NELL2: variants seen among roughly 807,000 people sequenced by gnomAD.
NELL2 encodes the protein protein kinase C-binding protein NELL2.
Under a neutral mutation model 109.6 loss-of-function variants are expected in NELL2, and 41 were observed. That is an observed-to-expected ratio of 0.37 (90% CI 0.29 to 0.49). The LOEUF is 0.49. NELL2 is among the 20% of genes least tolerant of loss of function. The probability of loss-of-function intolerance (pLI) is 0.98; values close to 1 mark genes in which losing one functional copy is unlikely to be tolerated. For missense variants in NELL2, 900 were observed against 1,008.3 expected, an observed-to-expected ratio of 0.89 and a Z score of 1.45; for synonymous variants, 355 against 344.7, an observed-to-expected ratio of 1.03 and a Z score of -0.33.
chr12:44,717,380 T>G (rs942564609), intron 9 of NELL2, among the ~76,000 whole-genome samples: 2 of 152,148 alleles, frequency 1.3e-5, no homozygotes, highest in African/African-American at 4.8e-5. Flanking sequence ...ATGTTAGATA[T>G]TCTCCTAGGT....
chr12:44,786,843 A>G (rs1385771109), intron 3 of NELL2, among the ~76,000 whole-genome samples: 1 of 152,152 alleles, frequency 6.6e-6, no homozygotes, highest in East Asian at 1.9e-4. Flanking sequence ...ACATGGACAC[A>G]GAGAGGAGAA....
At chr12:44,890,070 T>G (rs1456718745) in intron 1 of NELL2, among the ~76,000 whole-genome samples, 2 of 152,192 alleles carry the variant, frequency 1.3e-5, no homozygotes, top group African/African-American at 4.8e-5. Context: ...TCAGCCAAAG[T>G]GTCTGTTCAC....
At chr12:44,569,677 C>A (rs963888727) in intron 15 of NELL2, among the ~76,000 whole-genome samples, 12 of 152,104 alleles carry the variant, frequency 7.9e-5, no homozygotes, top group African/African-American at 2.9e-4. Flanking sequence ...TAGGCCTTGG[C>A]ACCCAGAAAT....
upstream of NELL2, among the ~76,000 whole-genome samples, chr12:44,878,555 G>A (rs1945375468): frequency 6.6e-6 from 1 of 152,114 alleles, no homozygotes; most frequent in Non-Finnish European, 1.5e-5. Context: ...TCCACTGAAT[G>A]CCAGTATTTT....
At position 44,703,832 on chromosome 12, in the gene NELL2, C is replaced by G; in HGVS notation, c.1212G>C (p.Arg404Ser). The G allele has an allele frequency of 6.2e-7, 1 of 1,612,826 alleles. No individual in the cohort carries two copies. Among genetic ancestry groups the G allele is most frequent in the Non-Finnish European group, 8.5e-7 (1 of 1,179,402 alleles). Residue 404 changes from arginine (R) to serine (S), a missense_variant, in exon 12 of 20, where the codon AGG (arginine) becomes AGC (serine). Around this residue, in one of 4 missense-constraint regions of NELL2, gnomAD observed 292 missense variants for 265.3 expected, o/e 1.10. Coordinates refer to ENST00000429094, the MANE Select transcript of NELL2 (RefSeq NM_001145108.2). ...VCKGYDFCSERHNCMENSICR... is the reference protein window; with the variant it reads ...VCKGYDFCSESHNCMENSICR... ...AGATGGAATTCTCCATGCAGTTATG[C>G]CTTTCAGAACAAAAGTCATAACCTA...
chr12:44,598,883 A>ACACACACACACACTCTCT (rs1265603008), intron 15 of NELL2, among the ~76,000 whole-genome samples: 1 of 143,940 alleles, frequency 6.9e-6, no homozygotes, highest in African/African-American at 2.6e-5. Flanking sequence ...ACACACACAC[A>ACACACACACACACTCTCT]CTCTCTCTCT....
At chr12:44,885,640 G>T (rs917848450) in intron 1 of NELL2, among the ~76,000 whole-genome samples, 1 of 151,840 alleles carries the variant, frequency 6.6e-6, no homozygotes, top group East Asian at 1.9e-4. Flanking sequence ...AAATACCTAA[G>T]TGGATAAAAA....
At chr12:44,635,031 C>G (rs1442324573) in intron 13 of NELL2, among the ~76,000 whole-genome samples, 1 of 152,056 alleles carries the variant, frequency 6.6e-6, no homozygotes, top group Non-Finnish European at 1.5e-5. Context: ...TTTCTAATGA[C>G]CAGTGATGAT....
chr12:44,679,183 C>T (rs754273126), intron 12 of NELL2, among the ~76,000 whole-genome samples: 1 of 152,038 alleles, frequency 6.6e-6, no homozygotes, highest in Admixed American at 6.5e-5. Context: ...TTCTATTCCA[C>T]TGAAACTAGG....
At chr12:44,547,518 T>C (rs1016504385) in intron 15 of NELL2, among the ~76,000 whole-genome samples, 10 of 152,244 alleles carry the variant, frequency 6.6e-5, no homozygotes, top group Admixed American at 2.0e-4. Flanking sequence ...TTATCTTTAA[T>C]TGGTAATATT....
At chr12:44,536,387 A>G (rs1942296101) in intron 15 of NELL2, among the ~76,000 whole-genome samples, 1 of 152,082 alleles carries the variant, frequency 6.6e-6, no homozygotes, top group Admixed American at 6.6e-5. Flanking sequence ...ATATTTTGTA[A>G]TAACACAAAG....
At chr12:44,559,883 C>T (rs1943404047) in intron 15 of NELL2, among the ~76,000 whole-genome samples, 1 of 152,180 alleles carries the variant, frequency 6.6e-6, no homozygotes, top group Non-Finnish European at 1.5e-5. Context: ...ACATTCTTCT[C>T]ATCACCACAT....
intron 13 of NELL2, among the ~76,000 whole-genome samples, chr12:44,645,106 A>C (rs1947045077): frequency 6.6e-6 from 1 of 152,168 alleles, no homozygotes; most frequent in South Asian, 2.1e-4. Context: ...AGAAAAAAGA[A>C]GACTGAAATT....
intron 9 of NELL2, among the ~76,000 whole-genome samples, chr12:44,747,598 G>T (rs907090342): frequency 6.6e-5 from 10 of 151,988 alleles, no homozygotes; most frequent in African/African-American, 2.4e-4. Flanking sequence ...TTTATACGTG[G>T]ATTTTTGACT....
At chr12:44,706,972 A>G (rs1382985921) in intron 11 of NELL2, among the ~76,000 whole-genome samples, 1 of 152,212 alleles carries the variant, frequency 6.6e-6, no homozygotes, top group Non-Finnish European at 1.5e-5. Context: ...GATACAAAAG[A>G]TTATGTGTAA....
upstream of NELL2, among the ~76,000 whole-genome samples, chr12:44,917,660 G>T (rs183205041): frequency 4.2e-4 from 64 of 152,262 alleles, 2 homozygotes; most frequent in Admixed American, 4.2e-3. Context: ...GGTAATTAAG[G>T]TCCCAAATCA....
chr12:44,565,581 T>A (rs1005533922), intron 15 of NELL2, among the ~76,000 whole-genome samples: 3 of 152,102 alleles, frequency 2.0e-5, no homozygotes, highest in Non-Finnish European at 4.4e-5. Flanking sequence ...AAGTGCAAAG[T>A]CCCAGGAGAC....
chr12:44,669,662 T>TA (rs35385651), intron 12 of NELL2, among the ~76,000 whole-genome samples: 25,055 of 152,082 alleles, frequency 0.16, 2,162 homozygotes, highest in East Asian at 0.21. Flanking sequence ...TTTCTGAACT[T>TA]AAAGACAGGG....
chr12:44,710,112 A>G (rs1026373455), intron 11 of NELL2, among the ~76,000 whole-genome samples: 1 of 152,186 alleles, frequency 6.6e-6, no homozygotes, highest in African/African-American at 2.4e-5. Context: ...GTGGATGGAA[A>G]AGTAACTTAA....
Sources: gnomAD v4.1 joint callset for allele counts (sites outside exome capture counted in the v4.1 genomes callset) on GRCh38, gnomAD v4.1.1 for gene constraint, gnomAD v4.1.1 regional missense constraint, MANE v1.5 for transcripts, NCBI Gene and HGNC (gene_info 2026-07-23, HGNC 2026-07-21) for gene names.